CTNNA2: variants seen among roughly 807,000 people sequenced by gnomAD.
The protein encoded by CTNNA2 is catenin alpha 2, also known as catenin alpha-2.
Under a neutral mutation model 101.0 loss-of-function variants are expected in CTNNA2, and 42 were observed. The observed-to-expected ratio is 0.42, with a 90% confidence interval of 0.32 to 0.54. The LOEUF (loss-of-function observed/expected upper bound fraction) is 0.54. Ranked by LOEUF, CTNNA2 falls within the 20% of genes least tolerant of loss-of-function variation. CTNNA2 has a pLI of 0.14. For synonymous variants in CTNNA2, 450 were observed against 456.4 expected, an observed-to-expected ratio of 0.99 and a Z score of 0.18; for missense variants, 871 against 1,223.1, an observed-to-expected ratio of 0.71 and a Z score of 4.29.
intron 4 of CTNNA2, among the ~76,000 whole-genome samples, chr2:79,463,953 A>G (rs893551843): frequency 3.3e-5 from 5 of 151,486 alleles, no homozygotes; most frequent in African/African-American, 1.2e-4. Context: ...AAATAATGTT[A>G]TCATAAGACA....
chr2:80,328,805 T>C (rs1346559084), intron 7 of CTNNA2, among the ~76,000 whole-genome samples: 2 of 152,184 alleles, frequency 1.3e-5, no homozygotes, highest in Non-Finnish European at 2.9e-5. Context: ...CAAACCTAGA[T>C]GGTATGTATT....
At chr2:80,098,067 A>G (rs1478953747) in intron 7 of CTNNA2, among the ~76,000 whole-genome samples, 1 of 152,084 alleles carries the variant, frequency 6.6e-6, no homozygotes, top group Non-Finnish European at 1.5e-5. Flanking sequence ...ATTCCTTTGG[A>G]GGAGGAGAGG....
At chr2:79,824,974 G>A (rs1678306892) in intron 3 of CTNNA2, among the ~76,000 whole-genome samples, 1 of 152,110 alleles carries the variant, frequency 6.6e-6, no homozygotes, top group Non-Finnish European at 1.5e-5. Context: ...AGGATTGCTT[G>A]AGGACAAGGG....
chr2:79,855,953 T>G (rs1681099083), intron 3 of CTNNA2, among the ~76,000 whole-genome samples: 1 of 152,222 alleles, frequency 6.6e-6, no homozygotes, highest in Admixed American at 6.5e-5. Context: ...CACAGATATT[T>G]GCCAATGACT....
At chr2:79,809,941 G>GA (rs1423754340) in intron 3 of CTNNA2, among the ~76,000 whole-genome samples, 2 of 151,864 alleles carry the variant, frequency 1.3e-5, no homozygotes, top group African/African-American at 4.8e-5. Flanking sequence ...ATACGGAAAG[G>GA]AAAAACCAGT....
chr2:80,271,248 G>A (rs903554987), intron 7 of CTNNA2, among the ~76,000 whole-genome samples: 1 of 152,168 alleles, frequency 6.6e-6, no homozygotes, highest in Non-Finnish European at 1.5e-5. Context: ...AACATATGTA[G>A]TGGTGGTGAT....
intron 9 of CTNNA2, among the ~76,000 whole-genome samples, chr2:80,516,631 A>G (rs1388818162): frequency 6.6e-6 from 1 of 152,202 alleles, no homozygotes; most frequent in Non-Finnish European, 1.5e-5. Context: ...GTTAAGCAAC[A>G]CCTGAAAACT....
At chr2:79,908,529 G>C (rs1190010939) in intron 6 of CTNNA2, among the ~76,000 whole-genome samples, 1 of 152,084 alleles carries the variant, frequency 6.6e-6, no homozygotes, top group Non-Finnish European at 1.5e-5. Flanking sequence ...GGCAGAAAAG[G>C]CTCCCCAAAG....
intron 3 of CTNNA2, among the ~76,000 whole-genome samples, chr2:79,809,360 G>T (rs754475412): frequency 6.6e-6 from 1 of 152,122 alleles, no homozygotes; most frequent in African/African-American, 2.4e-5. Flanking sequence ...TTGAGGAATC[G>T]CCACATTGTC....
At position 80,239,221 on chromosome 2, in the gene CTNNA2, G is replaced by C. The variant is rs1008712164; in HGVS notation, c.1057-153990G>C. ...TGAGATACTACTTTTGATGTACTCT[G>C]AAGAGTGCTCTCATGCTGGGAGAAT... On this transcript the variant is annotated intron_variant, in intron 7 of 18. Transcript: ENST00000402739. 2.6e-5 allele frequency among the ~76,000 whole-genome samples: 4 copies of C among 152,298 alleles called. No individual in the cohort carries two copies. The East Asian group carries it at 7.7e-4, about 29-fold the overall frequency.
chr2:79,263,595 T>A (rs886324978), intron 2 of CTNNA2, among the ~76,000 whole-genome samples: 1 of 152,072 alleles, frequency 6.6e-6, no homozygotes, highest in Non-Finnish European at 1.5e-5. Context: ...ACTAATACCA[T>A]CTCCCAAAGC....
chr2:79,560,114 G>A (rs943666491), intron 1 of CTNNA2, among the ~76,000 whole-genome samples: 4 of 150,124 alleles, frequency 2.7e-5, no homozygotes, highest in African/African-American at 9.8e-5. Flanking sequence ...GACAATCTTA[G>A]TTAAAAGAGA....
intron 3 of CTNNA2, among the ~76,000 whole-genome samples, chr2:79,339,257 G>C (rs1258023810): frequency 6.6e-6 from 1 of 152,142 alleles, no homozygotes; most frequent in Non-Finnish European, 1.5e-5. Context: ...CATTTTCATA[G>C]AATCCAAGAG....
At chr2:80,625,761 T>G (rs1014597691) in intron 18 of CTNNA2, among the ~76,000 whole-genome samples, 17 of 152,118 alleles carry the variant, frequency 1.1e-4, no homozygotes, top group African/African-American at 4.1e-4. Flanking sequence ...TATCAGTCAT[T>G]CATACTTTCA....
chr2:80,087,816 A>T (rs1699544970), intron 7 of CTNNA2, among the ~76,000 whole-genome samples: 1 of 152,024 alleles, frequency 6.6e-6, no homozygotes, highest in African/African-American at 2.4e-5. Flanking sequence ...AGCTGTCATA[A>T]TTCCAGTTCT....
At chr2:79,907,179 T>G (rs1003774673) in intron 6 of CTNNA2, among the ~76,000 whole-genome samples, 2 of 152,190 alleles carry the variant, frequency 1.3e-5, no homozygotes, top group Non-Finnish European at 2.9e-5. Context: ...GAACATATGG[T>G]TTTCATTATG....
chr2:80,432,394 G>C (rs905574063), intron 9 of CTNNA2, among the ~76,000 whole-genome samples: 3 of 152,132 alleles, frequency 2.0e-5, no homozygotes, highest in African/African-American at 7.2e-5. Flanking sequence ...AGTAAATACT[G>C]TTTGTAATAC....
chr2:80,156,996 A>G (rs915878359), intron 7 of CTNNA2, among the ~76,000 whole-genome samples: 1 of 152,190 alleles, frequency 6.6e-6, no homozygotes, highest in African/African-American at 2.4e-5. Context: ...ACCCCTCTCC[A>G]TGAGACTTTC....
chr2:79,665,524 G>T (rs930756417), intron 2 of CTNNA2, among the ~76,000 whole-genome samples: 1 of 152,142 alleles, frequency 6.6e-6, no homozygotes, highest in East Asian at 1.9e-4. Context: ...TCTGAGAAAT[G>T]GGACTGTCTC....
Sources: gnomAD v4.1 joint callset for allele counts (sites outside exome capture counted in the v4.1 genomes callset) on GRCh38, gnomAD v4.1.1 for gene constraint, MANE v1.5 for transcripts, NCBI Gene and HGNC (gene_info 2026-07-23, HGNC 2026-07-21) for gene names.